Variants in SLC10A7 observed in about 807,000 individuals in gnomAD.
The protein encoded by SLC10A7 is sodium/bile acid cotransporter 7.
In SLC10A7, 29 loss-of-function variants were observed where a neutral mutation model predicts 43.2. The observed-to-expected ratio is 0.67, with a 90% CI of 0.50 to 0.92. SLC10A7 has a LOEUF of 0.92. Among genes scored for constraint, SLC10A7 ranks in the 40% least tolerant of loss-of-function variants. The pLI is 0.00. For missense variants in SLC10A7, 295 were observed against 403.2 expected (o/e 0.73, Z 2.30); for synonymous variants, 152 against 144.8 (o/e 1.05, Z -0.35).
rs2149891966 is a variant in SLC10A7, at chr4:146,442,763, G to A, written c.435+20C>T. On this transcript the variant is annotated intron_variant, in intron 5 of 11. Coordinates refer to ENST00000335472, the MANE Select transcript of SLC10A7 (RefSeq NM_001029998.6). The stretch of plus-strand genomic sequence containing the variant: ...TCACAGCAAAAGTTGTAATAGACAA[G>A]TTAAACTATGTTTACTTACCAAAAA... 3 of 1,601,754 alleles carry A rather than the reference G, an allele frequency of 1.9e-6. No individual in the cohort carries two copies. The East Asian group carries it at 6.8e-5, about 36-fold the overall frequency.
At chr4:146,346,746 G>A (rs1734650443) in intron 5 of SLC10A7, among the ~76,000 whole-genome samples, 1 of 151,984 alleles carries the variant, frequency 6.6e-6, no homozygotes, top group South Asian at 2.1e-4. Flanking sequence ...ATCACAATAT[G>A]AAAAACAAAG....
chr4:146,317,396 A>T (rs577538393), intron 6 of SLC10A7, among the ~76,000 whole-genome samples: 89 of 152,264 alleles, frequency 5.8e-4, no homozygotes, highest in African/African-American at 2.1e-3. Context: ...TGTGATGCTT[A>T]CATTCTAGTT....
At chr4:146,508,308 A>G (rs1279577167) in intron 3 of SLC10A7, among the ~76,000 whole-genome samples, 2 of 152,224 alleles carry the variant, frequency 1.3e-5, no homozygotes, top group African/African-American at 4.8e-5. Flanking sequence ...AGTTCCCAGA[A>G]GACAACAAAA....
In SLC10A7 at chr4:146,335,250, G is replaced by GAA. The variant is rs772547279; in HGVS notation, c.436-9255_436-9254insTT. 2.7e-4 allele frequency among the ~76,000 whole-genome samples: 19 copies of GAA among 70,622 alleles called. 1 individual carries two copies. In the Admixed American group the frequency reaches 2.9e-3, roughly 11 times the overall value. The allele number at this position is 70,622 out of a possible 152,430, so 46.3% of individuals were successfully genotyped here. A position where few individuals can be genotyped will look rare whatever the true frequency, so the allele number is the denominator to read the frequency against. The stretch of plus-strand genomic sequence containing the variant: ...TCATTAAAGTGTTGCCACAGATGTT[G>GAA]TAAAAAAAAAAAAAAAAAAAAAAAA... On this transcript the variant is annotated intron_variant, in intron 5 of 11. Coordinates refer to ENST00000335472, the MANE Select transcript of SLC10A7 (RefSeq NM_001029998.6).
intron 6 of SLC10A7, among the ~76,000 whole-genome samples, chr4:146,311,164 G>C (rs1373314249): frequency 6.6e-6 from 1 of 152,128 alleles, no homozygotes. Flanking sequence ...GAGAGACTGA[G>C]TGGAAGCAAG....
chr4:146,418,821 C>T (rs1728756949), intron 5 of SLC10A7, among the ~76,000 whole-genome samples: 1 of 152,202 alleles, frequency 6.6e-6, no homozygotes. Flanking sequence ...GGCTATCCCC[C>T]ACTTCAGATG....
intron 4 of SLC10A7, 51 bp downstream of exon 4, chr4:146,503,772 GTCCAAAAATGTGATATATTTTTGAAA>G: frequency 7.3e-7 from 1 of 1,378,740 alleles, no homozygotes; most frequent in African/African-American, 1.4e-5. Context: ...AACCCTTCAT[GTCCAAAAATGTGATATATTTTTGAAA>G]TAAAAGCACA....
intron 5 of SLC10A7, among the ~76,000 whole-genome samples, chr4:146,400,919 T>C (rs2149816112): frequency 6.6e-6 from 1 of 152,316 alleles, no homozygotes; most frequent in Middle Eastern, 3.4e-3. Flanking sequence ...AAAATGTATG[T>C]TGACATTTAG....
chr4:146,389,828 T>C (rs941930634), intron 5 of SLC10A7, among the ~76,000 whole-genome samples: 1 of 152,218 alleles, frequency 6.6e-6, no homozygotes, highest in Non-Finnish European at 1.5e-5. Context: ...AACTAGCCCC[T>C]ATGATTCTCA....
At chr4:146,398,097 C>T (rs1005822684) in intron 5 of SLC10A7, among the ~76,000 whole-genome samples, 6 of 152,114 alleles carry the variant, frequency 3.9e-5, no homozygotes, top group Non-Finnish European at 7.4e-5. Context: ...TTAGGAGCGT[C>T]TTGACATTTC....
chr4:146,424,930 T>A (rs1179682510), intron 5 of SLC10A7, among the ~76,000 whole-genome samples: 2 of 152,172 alleles, frequency 1.3e-5, no homozygotes, highest in East Asian at 1.9e-4. Context: ...CATGATGAAA[T>A]GTCATAATTA....
intron 7 of SLC10A7, among the ~76,000 whole-genome samples, chr4:146,301,445 G>A (rs1199457326): frequency 2.0e-5 from 3 of 152,164 alleles, no homozygotes; most frequent in Non-Finnish European, 4.4e-5. Flanking sequence ...GCCATGCAAG[G>A]AATTGGCAAC....
chr4:146,406,766 T>G (rs1196176737), intron 5 of SLC10A7, among the ~76,000 whole-genome samples: 1 of 152,114 alleles, frequency 6.6e-6, no homozygotes, highest in East Asian at 1.9e-4. Context: ...GAGGATCACC[T>G]AAGGTCAGGA....
chr4:146,258,628 T>C, intron 11 of SLC10A7, 64 bp downstream of exon 11: 1 of 1,503,556 alleles, frequency 6.7e-7, no homozygotes, highest in Non-Finnish European at 8.9e-7. Context: ...GTATGAACAG[T>C]TCAGATTCAG....
At chr4:146,366,542 G>A (rs1313285951) in intron 5 of SLC10A7, among the ~76,000 whole-genome samples, 1 of 152,102 alleles carries the variant, frequency 6.6e-6, no homozygotes, top group Non-Finnish European at 1.5e-5. Context: ...ATGATAAAAT[G>A]CATGTGGAGT....
chr4:146,395,883 C>G (rs562000412), intron 5 of SLC10A7, among the ~76,000 whole-genome samples: 1 of 152,114 alleles, frequency 6.6e-6, no homozygotes, highest in Non-Finnish European at 1.5e-5. Flanking sequence ...TCAGTTTGAA[C>G]TCTATAGAAC....
chr4:146,446,751 T>C (rs1010617466), intron 4 of SLC10A7, among the ~76,000 whole-genome samples: 1 of 145,890 alleles, frequency 6.9e-6, no homozygotes, highest in Non-Finnish European at 1.5e-5. Flanking sequence ...TATCTATCTA[T>C]CTATCTATCT....
chr4:146,473,544 A>T (rs1014633690), intron 4 of SLC10A7, among the ~76,000 whole-genome samples: 1 of 152,158 alleles, frequency 6.6e-6, no homozygotes, highest in Non-Finnish European at 1.5e-5. Context: ...TGAATTAAAT[A>T]TAGTCTCATT....
intron 5 of SLC10A7, among the ~76,000 whole-genome samples, chr4:146,381,210 T>C (rs1021400959): frequency 1.3e-5 from 2 of 152,146 alleles, no homozygotes; most frequent in Admixed American, 6.6e-5. Context: ...TGGTTTTCAG[T>C]CATCAATAAC....
Sources: gnomAD v4.1 joint callset for allele counts (sites outside exome capture counted in the v4.1 genomes callset) on GRCh38, gnomAD v4.1.1 for gene constraint, MANE v1.5 for transcripts, NCBI Gene and HGNC (gene_info 2026-07-23, HGNC 2026-07-21) for gene names.